The following ADAMTS12 variants were observed in gnomAD, a reference collection of about 807,000 sequenced individuals.
ADAMTS12 encodes ADAM metallopeptidase with thrombospondin type 1 motif 12.
ADAMTS12 carries 118 observed loss-of-function variants against 167.8 expected under a neutral mutation model. The observed-to-expected ratio is 0.70, with a 90% CI of 0.61 to 0.82. The LOEUF (loss-of-function observed/expected upper bound fraction) is 0.82. Among genes scored for constraint, ADAMTS12 ranks in the 40% least tolerant of loss-of-function variants. ADAMTS12 has a pLI of 0.00. For synonymous variants in ADAMTS12, 704 were observed against 716.9 expected, an observed-to-expected ratio of 0.98 and a Z score of 0.29; for missense variants, 1,916 against 1,998.8, an observed-to-expected ratio of 0.96 and a Z score of 0.79.
intron 17 of ADAMTS12, among the ~76,000 whole-genome samples, chr5:33,595,095 C>T (rs1747847094): frequency 6.6e-6 from 1 of 152,054 alleles, no homozygotes; most frequent in Non-Finnish European, 1.5e-5. Context: ...TTCCTCTTTC[C>T]TCTCCCTTTT....
At chr5:33,600,624 G>A (rs1738141172) in intron 16 of ADAMTS12, among the ~76,000 whole-genome samples, 1 of 152,138 alleles carries the variant, frequency 6.6e-6, no homozygotes, top group Non-Finnish European at 1.5e-5. Context: ...TTTAATTACA[G>A]CATGTGAAAG....
chr5:33,783,869 G>A (rs1746234822), intron 2 of ADAMTS12, among the ~76,000 whole-genome samples: 1 of 151,700 alleles, frequency 6.6e-6, no homozygotes, highest in Non-Finnish European at 1.5e-5. Flanking sequence ...AGGCAGTACT[G>A]CCCAGACATC....
chr5:33,678,477 G>A (rs1029788029), intron 5 of ADAMTS12, among the ~76,000 whole-genome samples: 2 of 152,162 alleles, frequency 1.3e-5, no homozygotes, highest in African/African-American at 4.8e-5. Context: ...GTAGTTTTAT[G>A]GGAGTCAATA....
chr5:33,745,357 G>C (rs1744742631), intron 3 of ADAMTS12, among the ~76,000 whole-genome samples: 1 of 152,206 alleles, frequency 6.6e-6, no homozygotes, highest in Non-Finnish European at 1.5e-5. Flanking sequence ...GGAAATGCCA[G>C]AGAGCTTAGA....
At chr5:33,790,645 TTGGTCAAC>T (rs1746525025) in intron 2 of ADAMTS12, among the ~76,000 whole-genome samples, 1 of 150,918 alleles carries the variant, frequency 6.6e-6, no homozygotes, top group Non-Finnish European at 1.5e-5. Context: ...CTCCTGTAAA[TTGGTCAAC>T]AGAGCTAAAG....
Position 33,636,663 on chromosome 5 carries a change from T to G in ADAMTS12, c.1888+914A>C, listed in dbSNP as rs149142385. 4.2e-3 allele frequency among the ~76,000 whole-genome samples: 647 copies of G among 152,326 alleles called. 4 individuals carry two copies. Among genetic ancestry groups the G allele is most frequent in the African/African-American group, 0.015 (621 of 41,576 alleles). On this transcript the variant is annotated intron_variant, in intron 12 of 23. Coordinates refer to ENST00000504830, the MANE Select transcript of ADAMTS12 (RefSeq NM_030955.4). ...ATCTGTGATTTTTCTTGTGCCCTAT[T>G]CACAATGGATTTTCTGGAACTCAAA...
chr5:33,869,930 T>C (rs894649348), intron 2 of ADAMTS12, among the ~76,000 whole-genome samples: 5 of 152,172 alleles, frequency 3.3e-5, no homozygotes, highest in African/African-American at 1.2e-4. Context: ...TAGACACTCA[T>C]AGAGTGGCCA....
chr5:33,798,865 A>G (rs1190735806), intron 2 of ADAMTS12, among the ~76,000 whole-genome samples: 2 of 152,178 alleles, frequency 1.3e-5, no homozygotes, highest in African/African-American at 4.8e-5. Flanking sequence ...ACTTCAGCCT[A>G]TGAATTCTGG....
intron 12 of ADAMTS12, among the ~76,000 whole-genome samples, chr5:33,634,597 C>T (rs1740105159): frequency 6.6e-6 from 1 of 152,134 alleles, no homozygotes; most frequent in African/African-American, 2.4e-5. Flanking sequence ...AAACTTGTCA[C>T]TCTGTATCAC....
chr5:33,609,340 C>A (rs1323976258), intron 16 of ADAMTS12, among the ~76,000 whole-genome samples: 5 of 150,774 alleles, frequency 3.3e-5, no homozygotes, highest in Non-Finnish European at 5.9e-5. Context: ...AGGGAAAACA[C>A]ACAAAATTCA....
intron 12 of ADAMTS12, among the ~76,000 whole-genome samples, chr5:33,633,712 G>A (rs1463303496): frequency 1.3e-5 from 2 of 152,114 alleles, no homozygotes; most frequent in African/African-American, 2.4e-5. Context: ...ATCTGCAGGA[G>A]GAGGCAAGGG....
At chr5:33,738,978 A>ATTC (rs1365069719) in intron 3 of ADAMTS12, among the ~76,000 whole-genome samples, 3 of 152,192 alleles carry the variant, frequency 2.0e-5, no homozygotes, top group Non-Finnish European at 4.4e-5. Context: ...CATTGACTCT[A>ATTC]TTCTTAGCAC....
intron 3 of ADAMTS12, among the ~76,000 whole-genome samples, chr5:33,731,267 C>T (rs1744185468): frequency 6.7e-6 from 1 of 150,188 alleles, no homozygotes; most frequent in South Asian, 2.1e-4. Flanking sequence ...CTCACTGCAA[C>T]CTCAGCCTCC....
At chr5:33,527,500 T>G in intron 23 of ADAMTS12, 134 bp from the exon 24 acceptor site, 1 of 829,636 alleles carries the variant, frequency 1.2e-6, no homozygotes, top group Non-Finnish European at 1.9e-6. Context: ...ATAGGTGGTA[T>G]CTACTGAATG....
In ADAMTS12 at chr5:33,848,215, T is replaced by TAA. The variant is rs779843895; in HGVS notation, c.489+32902_489+32903dup. Among the ~76,000 whole-genome samples, 194 of 140,298 alleles carry TAA rather than the reference T, an allele frequency of 1.4e-3. 1 individual carries two copies. Among genetic ancestry groups the TAA allele is most frequent in the African/African-American group, 4.8e-3 (184 of 38,250 alleles). The allele number at this position is 140,298 out of a possible 152,430, so 92.0% of individuals were successfully genotyped here. A position where few individuals can be genotyped will look rare whatever the true frequency, so the allele number is the denominator to read the frequency against. ...CTGGGTAACAGAGTAAGACTCTGTT[T>TAA]AAAAAAAAAAAAAAGTGAAGCAAGG... On this transcript the variant is annotated intron_variant, in intron 2 of 23. Coordinates refer to ENST00000504830, the MANE Select transcript of ADAMTS12 (RefSeq NM_030955.4).
chr5:33,835,907 A>ATCTTCTCTCTCTCTC (rs1748488492), intron 2 of ADAMTS12, among the ~76,000 whole-genome samples: 2 of 111,850 alleles, frequency 1.8e-5, no homozygotes, highest in African/African-American at 8.8e-5. Context: ...GATAATATCC[A>ATCTTCTCTCTCTCTC]TCTCTCTCTC....
chr5:33,714,182 G>C (rs1189281508), intron 3 of ADAMTS12, among the ~76,000 whole-genome samples: 1 of 152,022 alleles, frequency 6.6e-6, no homozygotes, highest in African/African-American at 2.4e-5. Flanking sequence ...CTGAAGAAGG[G>C]GGAAAGCCCC....
chr5:33,641,349 G>A (rs1383000462), intron 11 of ADAMTS12, among the ~76,000 whole-genome samples: 2 of 152,112 alleles, frequency 1.3e-5, no homozygotes, highest in East Asian at 1.9e-4. Flanking sequence ...CCTCAAAAAT[G>A]TACCTGTTTT....
intron 5 of ADAMTS12, among the ~76,000 whole-genome samples, chr5:33,671,457 A>G (rs1238804952): frequency 6.6e-6 from 1 of 152,224 alleles, no homozygotes; most frequent in African/African-American, 2.4e-5. Context: ...TCTCTGTACT[A>G]TTTCTTACAA....
Sources: gnomAD v4.1 joint callset for allele counts (sites outside exome capture counted in the v4.1 genomes callset) on GRCh38, gnomAD v4.1.1 for gene constraint, MANE v1.5 for transcripts, NCBI Gene and HGNC (gene_info 2026-07-23, HGNC 2026-07-21) for gene names.